NET1: variants seen among roughly 807,000 people sequenced by gnomAD.
NET1 encodes the protein neuroepithelial cell-transforming gene 1 protein.
NET1 carries 42 observed loss-of-function variants against 61.1 expected under a neutral mutation model. The ratio of observed to expected loss-of-function variants is 0.69; its 90% CI spans 0.54 to 0.89. NET1 has a LOEUF of 0.89. Ranked by LOEUF, NET1 falls within the 40% of genes least tolerant of loss-of-function variation. The pLI is 0.00. For missense variants in NET1, 654 were observed against 747.3 expected (o/e 0.88, Z 1.46); for synonymous variants, 254 against 281.8 (o/e 0.90, Z 0.99).
intron 2 of NET1, among the ~76,000 whole-genome samples, chr10:5,428,038 CTTTTTTTTTTTTTTTTT>C (rs57698527): frequency 5.3e-5 from 6 of 113,904 alleles, no homozygotes; most frequent in Non-Finnish European, 1.1e-4. Context: ...TTTGCCGTTC[CTTTTTTTTTTTTTTTTT>C]TTTTTTTTTT....
Position 5,458,693 on chromosome 10 carries a change from T to C in NET1, c.*1699T>C, listed in dbSNP as rs1184007961. 6.6e-6 allele frequency among the ~76,000 whole-genome samples: 1 copy of C among 152,228 alleles called. No homozygotes were observed. The highest frequency in any genetic ancestry group is 1.5e-5 in the Non-Finnish European group (1 of 68,040). ...TGTATTGAAAATAACTGAACACCTG[T>C]TACTTTCTGGATAGGATAGTAAGGG... On this transcript the variant is annotated 3_prime_UTR_variant, in exon 12 of 12. Transcript: ENST00000355029. The surrounding 1 kb of genome is among the most constrained non-coding windows in gnomAD (Gnocchi z 4.5).
At chr10:5,429,112 T>G in intron 2 of NET1, 58 bp from the exon 3 acceptor site, 1 of 1,167,532 alleles carries the variant, frequency 8.6e-7, no homozygotes, top group Non-Finnish European at 1.3e-6. Flanking sequence ...GAGTCTTTGT[T>G]TTGTGAGGTA....
Position 5,456,188 on chromosome 10 carries a change from C to T in NET1, c.1299C>T (p.Val433=). The T allele has an allele frequency of 6.2e-7, 1 of 1,614,190 alleles. No homozygotes were observed. The highest frequency in any genetic ancestry group is 8.5e-7 in the Non-Finnish European group (1 of 1,180,022). ...AGGTTTACCGGCAGCCAATCCCAGTCCAAGAGCTAGTCCTAGAAGACCTGC... is the reference window on the plus strand; with the variant it reads ...AGGTTTACCGGCAGCCAATCCCAGTTCAAGAGCTAGTCCTAGAAGACCTGC... ...SYQVYRQPIP[V]QELVLEDLQD... Residue 433 remains valine (V), a synonymous_variant, in exon 11 of 12, where the codon GTC becomes GTT. Transcript: ENST00000355029. The surrounding 1 kb of genome is among the most constrained non-coding windows in gnomAD (Gnocchi z 7.0).
intron 3 of NET1, among the ~76,000 whole-genome samples, chr10:5,450,622 A>G (rs1312145338): frequency 6.6e-6 from 1 of 152,112 alleles, no homozygotes; most frequent in Admixed American, 6.5e-5. Flanking sequence ...TAATTTTAAT[A>G]TAATTTTAAA....
chr10:5,426,809 C>T lies in NET1; in HGVS notation c.195+88C>T, dbSNP rs1832265393. The stretch of plus-strand genomic sequence containing the variant: ...CAGTCTGTTACACAGATCAGTGGTC[C>T]TTACTTCTGAGGGTCTTGAGGAACA... On this transcript the variant is annotated intron_variant, in intron 2 of 11. Transcript: ENST00000355029. The surrounding 1 kb of genome is among the most constrained non-coding windows in gnomAD (Gnocchi z 4.6). 1.2e-6 allele frequency: 1 copy of T among 862,156 alleles called. No homozygotes were observed. Among genetic ancestry groups the T allele is most frequent in the Non-Finnish European group, 1.7e-6 (1 of 581,912 alleles). 53.4% of individuals were successfully genotyped at this position (862,156 alleles called of 1,614,324 possible). A position where few individuals can be genotyped will look rare whatever the true frequency, so the allele number is the denominator to read the frequency against.
intron 3 of NET1, among the ~76,000 whole-genome samples, chr10:5,448,287 G>A (rs114609146): frequency 1.5e-3 from 221 of 152,288 alleles, no homozygotes; most frequent in African/African-American, 5.1e-3. Flanking sequence ...ACAGAATGCT[G>A]ACTTCTCAAC....
rs1832796002 is a variant in NET1, at chr10:5,456,257, C to T, written c.1368C>T (p.Phe456=). 1.9e-6 allele frequency: 3 copies of T among 1,610,624 alleles called. No individual in the cohort carries two copies. Among genetic ancestry groups the T allele is most frequent in the Non-Finnish European group, 2.5e-6 (3 of 1,178,714 alleles). ...TGGGAGGCTCCTTTCGAGGAGCTTT[C>T]AGTAACTCAGAGAAAGGTAAAATGC... is the stretch of plus-strand genomic sequence containing the variant. ...VRMGGSFRGA[F]SNSEKAKNIF... Residue 456 remains phenylalanine, a synonymous_variant, in exon 11 of 12, where the codon TTC becomes TTT. Transcript: ENST00000355029. The surrounding 1 kb of genome is among the most constrained non-coding windows in gnomAD (Gnocchi z 7.0).
intron 3 of NET1, among the ~76,000 whole-genome samples, chr10:5,442,248 G>T (rs915201231): frequency 6.6e-6 from 1 of 152,126 alleles, no homozygotes. Flanking sequence ...ACAATATCTC[G>T]TGTAGAGGGC....
chr10:5,428,291 T>G (rs1238253388), intron 2 of NET1, among the ~76,000 whole-genome samples: 2 of 152,166 alleles, frequency 1.3e-5, no homozygotes, highest in African/African-American at 4.8e-5. Context: ...ATGGTAGATA[T>G]GTACACAGTT....
chr10:5,456,349 T>G lies in NET1; in HGVS notation c.1384+76T>G. 1 of 1,364,684 alleles carries G rather than the reference T, an allele frequency of 7.3e-7. No individual in the cohort carries two copies. The highest frequency in any genetic ancestry group is 2.6e-5 in the Admixed American group (1 of 38,098). 84.5% of individuals were successfully genotyped at this position (1,364,684 alleles called of 1,614,324 possible). ...GTGAATTTAGTTTTGCCTTTAAGAA[T>G]TCTAGAGATGAAATGGCTCCATTGT... On this transcript the variant is annotated intron_variant, in intron 11 of 11. Coordinates refer to ENST00000355029, the MANE Select transcript of NET1 (RefSeq NM_001047160.3). This position sits in a 1 kb window ranked among gnomAD's most constrained non-coding sequence, Gnocchi z 7.0.
rs1312384029 is a variant in NET1 at position 5,415,547 on chromosome 10, C to G, written c.128+2727C>G. Among the ~76,000 whole-genome samples the G allele has an allele frequency of 6.6e-6, 1 of 151,622 alleles. No individual in the cohort carries two copies. The highest frequency in any genetic ancestry group is 2.4e-5 in the African/African-American group (1 of 41,232). On this transcript the variant is annotated intron_variant, in intron 1 of 11. Transcript: ENST00000355029. This position sits in a 1 kb window ranked among gnomAD's most constrained non-coding sequence, Gnocchi z 4.7. ...CTCCGCCTCCCGGGTTCAAGTGATT[C>G]TCCTGCCTCAGCCTACCAAGTAGCT...
chr10:5,412,663 C>A lies in NET1; in HGVS notation c.-30C>A. 6.9e-7 allele frequency: 1 copy of A among 1,453,304 alleles called. No homozygotes were observed. The highest frequency in any genetic ancestry group is 1.4e-5 in the South Asian group (1 of 73,670). 90.0% of individuals were successfully genotyped at this position (1,453,304 alleles called of 1,614,324 possible). On this transcript the variant is annotated 5_prime_UTR_variant, in exon 1 of 12. Coordinates refer to ENST00000355029, the MANE Select transcript of NET1 (RefSeq NM_001047160.3). The surrounding 1 kb of genome is among the most constrained non-coding windows in gnomAD (Gnocchi z 6.5). ...CGTCCCTGCCGGTCTCCCGGGCACC[C>A]GGCCACCGCCCCACCCCCTCCTCCG...
chr10:5,433,383 G>A (rs544265596), intron 3 of NET1, among the ~76,000 whole-genome samples: 3 of 152,256 alleles, frequency 2.0e-5, no homozygotes, highest in Admixed American at 6.5e-5. Flanking sequence ...CAGTATCTGG[G>A]CTGAGCAGTT....
At chr10:5,436,216 G>GCATA (rs1166785576) in intron 3 of NET1, among the ~76,000 whole-genome samples, 4 of 38,076 alleles carry the variant, frequency 1.1e-4, no homozygotes, top group East Asian at 6.2e-4. Context: ...GTGTGTGTGT[G>GCATA]TGTGTGTGCA....
In NET1 at chr10:5,436,184, TGTTGTGTG is replaced by T. The variant is rs1245711468; in HGVS notation, c.255+6956_255+6963del. ...GGAGGTGTGTGTGTGTGTGTGTGTG[TGTTGTGTG>T]TGTGTGTGTGTGTGTGTGTGTGTGT... On this transcript the variant is annotated intron_variant, in intron 3 of 11. Transcript: ENST00000355029. 3.1e-3 allele frequency among the ~76,000 whole-genome samples: 181 copies of T among 58,740 alleles called. 2 individuals are homozygous for T. The highest frequency in any genetic ancestry group is 0.011 in the African/African-American group (162 of 14,756). The allele number at this position is 58,740 out of a possible 152,430, so 38.5% of individuals were successfully genotyped here. A position where few individuals can be genotyped will look rare whatever the true frequency, so the allele number is the denominator to read the frequency against.
Position 5,454,229 on chromosome 10 carries a change from G to A in NET1, c.769-36G>A, listed in dbSNP as rs563013601. 1.9e-6 allele frequency: 3 copies of A among 1,587,036 alleles called. No homozygotes were observed. The highest frequency in any genetic ancestry group is 2.6e-6 in the Non-Finnish European group (3 of 1,168,876). Reference sequence around the variant, plus strand: ...CTTGTTAATGCACTCGGTCATAACAGGAACACATCATACCTTTTCTTTTAT... The same window carrying A: ...CTTGTTAATGCACTCGGTCATAACAAGAACACATCATACCTTTTCTTTTAT... On this transcript the variant is annotated intron_variant, in intron 8 of 11. Coordinates refer to ENST00000355029, the MANE Select transcript of NET1 (RefSeq NM_001047160.3). The surrounding 1 kb of genome is among the most constrained non-coding windows in gnomAD (Gnocchi z 8.1).
rs199952759 is a variant in NET1 at position 5,452,435 on chromosome 10, C to T, written c.441C>T (p.Pro147=). ...KFSSRSTVPT[P]AKRRSSALWS... is the part of the protein sequence containing the mutation. Reference sequence around the variant, plus strand: ...CTAGCAGGTCAACAGTCCCAACACCCGCCAAGAGAAGGAGCAGTGCACTGT... The same window carrying T: ...CTAGCAGGTCAACAGTCCCAACACCTGCCAAGAGAAGGAGCAGTGCACTGT... The change falls in exon 5 of 12, where the codon CCC becomes CCT. Residue 147 remains proline, a synonymous_variant. Coordinates refer to ENST00000355029, the MANE Select transcript of NET1 (RefSeq NM_001047160.3). The surrounding 1 kb of genome is among the most constrained non-coding windows in gnomAD (Gnocchi z 4.0). The T allele has an allele frequency of 8.9e-5, 143 of 1,614,018 alleles. No homozygotes were observed. The highest frequency in any genetic ancestry group is 3.3e-4 in the Middle Eastern group (2 of 6,084).
rs777124848 is a variant in NET1, at chr10:5,454,232, A to G, written c.769-33A>G. On this transcript the variant is annotated intron_variant, in intron 8 of 11. Transcript: ENST00000355029. The surrounding 1 kb of genome is among the most constrained non-coding windows in gnomAD (Gnocchi z 8.1). Reference sequence around the variant, plus strand: ...GTTAATGCACTCGGTCATAACAGGAACACATCATACCTTTTCTTTTATTAC... The same window carrying G: ...GTTAATGCACTCGGTCATAACAGGAGCACATCATACCTTTTCTTTTATTAC... 8 of 1,591,304 alleles carry G rather than the reference A, an allele frequency of 5.0e-6. No homozygotes were observed. In the East Asian group the frequency reaches 1.8e-4, roughly 36 times the overall value.
intron 3 of NET1, among the ~76,000 whole-genome samples, chr10:5,434,342 T>C (rs999125220): frequency 2.0e-5 from 3 of 152,234 alleles, no homozygotes; most frequent in Non-Finnish European, 4.4e-5. Flanking sequence ...AGTCTACTCC[T>C]AGGAGTTTTT....
Sources: allele counts gnomAD v4.1 joint callset (sites outside exome capture counted in the v4.1 genomes callset), GRCh38; gene constraint gnomAD v4.1.1; non-coding constraint Gnocchi (gnomAD v3.1); transcripts MANE v1.5; gene names NCBI Gene and HGNC (gene_info 2026-07-23, HGNC 2026-07-21).